Variants in PRRC2B observed in about 807,000 individuals in gnomAD.
The protein encoded by PRRC2B is protein PRRC2B.
A neutral mutation model predicts 242.3 loss-of-function variants in PRRC2B; 68 were observed. That is an observed-to-expected ratio of 0.28 (90% confidence interval 0.23 to 0.34). PRRC2B has a LOEUF of 0.34. PRRC2B is among the 10% of genes least tolerant of loss of function. PRRC2B has a pLI of 1.00. For synonymous variants in PRRC2B, 1,228 were observed against 1,173.6 expected, an observed-to-expected ratio of 1.05 and a Z score of -0.95; for missense variants, 2,835 against 2,954.8, an observed-to-expected ratio of 0.96 and a Z score of 0.94.
rs1389892229 is a variant in PRRC2B, at chr9:131,417,398, G to A, written c.-51-12696G>A. Among the ~76,000 whole-genome samples, 4 of 152,042 alleles carry A rather than the reference G, an allele frequency of 2.6e-5. No homozygotes were observed. The East Asian group carries it at 7.7e-4, about 29-fold the overall frequency. ...TCTCTTGTTTAATGTATCCAGTGGG[G>A]GAGGGAAGGGGCCGTAGGTGTCTAG... On this transcript the variant is annotated intron_variant, in intron 1 of 31. Transcript: ENST00000683519.
At chr9:131,409,539 G>T (rs1395346463) in intron 1 of PRRC2B, among the ~76,000 whole-genome samples, 1 of 152,194 alleles carries the variant, frequency 6.6e-6, no homozygotes, top group Non-Finnish European at 1.5e-5. Context: ...ACATGTATTG[G>T]TTACAAAGAT....
chr9:131,408,014 T>A (rs372730710), intron 1 of PRRC2B, among the ~76,000 whole-genome samples: 3 of 151,832 alleles, frequency 2.0e-5, no homozygotes, highest in African/African-American at 7.3e-5. Flanking sequence ...TGCTGAGGAG[T>A]CCTTCGGTGC....
intron 1 of PRRC2B, among the ~76,000 whole-genome samples, chr9:131,410,653 C>A (rs1837484742): frequency 6.6e-6 from 1 of 152,232 alleles, no homozygotes. Context: ...AATGGAAGTA[C>A]TAATACCCTT....
intron 1 of PRRC2B, among the ~76,000 whole-genome samples, chr9:131,426,906 T>C (rs1165308022): frequency 6.6e-6 from 1 of 152,234 alleles, no homozygotes; most frequent in Non-Finnish European, 1.5e-5. Flanking sequence ...TGGTATTCCT[T>C]GGCCCATGGC....
rs201654931 is a variant in PRRC2B at position 131,478,506 on chromosome 9, G to C, written c.4645G>C (p.Gly1549Arg). 991 of 1,613,584 alleles carry C rather than the reference G, an allele frequency of 6.1e-4. 7 individuals are homozygous for C. The East Asian group carries it at 0.016, about 26-fold the overall frequency. ...AIIENCGSSPGEESEVGSMVG... is the reference protein window; with the variant it reads ...AIIENCGSSPREESEVGSMVG... ...CATTGAAAATTGCGGGTCCAGCCCC[G>C]GGGAGGAGAGTGAGGTGGGTTCTAT... The change falls in exon 18 of 32, where the codon GGG (glycine) becomes CGG (arginine). Residue 1549 changes from glycine (G) to arginine (R), a missense_variant. Gly to Arg is a moderately radical substitution (Grantham distance 125). Coordinates refer to ENST00000683519, the MANE Select transcript of PRRC2B (RefSeq NM_013318.4).
At chr9:131,436,768 C>G in intron 4 of PRRC2B, 46 bp downstream of exon 4, 1 of 1,478,586 alleles carries the variant, frequency 6.8e-7, no homozygotes, top group Non-Finnish European at 9.4e-7. Context: ...GCATGGTAGC[C>G]CCTAAATCTC....
chr9:131,491,460 G>T lies in PRRC2B; in HGVS notation c.6261G>T (p.Gln2087His). ...CACTGCCTCGGTACGGCTCCGGGCA[G>T]CAGCCACTGATCCTGCCCCAGTCTA... is the stretch of plus-strand genomic sequence containing the variant. ...TMPLPRYGSG[Q>H]QPLILPQSIQ... The change falls in exon 29 of 32, where the codon CAG (glutamine) becomes CAT (histidine). Residue 2087 changes from glutamine (Q) to histidine (H), a missense_variant. Transcript: ENST00000683519. The T allele has an allele frequency of 1.1e-5, 17 of 1,609,656 alleles. No individual in the cohort carries two copies. The highest frequency in any genetic ancestry group is 1.4e-5 in the Non-Finnish European group (17 of 1,178,764).
chr9:131,375,393 T>G (rs950449678), intron 1 of PRRC2B, among the ~76,000 whole-genome samples: 1 of 151,752 alleles, frequency 6.6e-6, no homozygotes, highest in Non-Finnish European at 1.5e-5. Flanking sequence ...AGCAAGACTC[T>G]GTCTCAAAAA....
chr9:131,394,437 CGCGGGGCT>C (rs1382578872), intron 1 of PRRC2B, among the ~76,000 whole-genome samples, 174 bp downstream of exon 1: 2 of 146,294 alleles, frequency 1.4e-5, no homozygotes, highest in East Asian at 4.0e-4. Context: ...TCCCGCCGGG[CGCGGGGCT>C]GCGGGGCTGG....
intron 1 of PRRC2B, among the ~76,000 whole-genome samples, chr9:131,384,264 T>TTGTATGTA (rs72496921): frequency 0.11 from 16,092 of 149,178 alleles, 1,045 homozygotes; most frequent in Non-Finnish European, 0.14. Context: ...TGGCTAATTT[T>TTGTATGTA]TGTATGTATG....
rs1838125684 is a variant in PRRC2B, at chr9:131,430,573, G to GTGTGTGTGTT, written c.115+323_115+324insTTGTGTGTGT. ...TAGGTGTGTGTGTATGTGTGTGTGT[G>GTGTGTGTGTT]TGTGTGTGTGTGTGTGTGTGTGTAT... is the stretch of plus-strand genomic sequence containing the variant. On this transcript the variant is annotated intron_variant, in intron 2 of 31. Transcript: ENST00000683519. Among the ~76,000 whole-genome samples, 6 of 133,964 alleles carry GTGTGTGTGTT rather than the reference G, an allele frequency of 4.5e-5. No individual in the cohort carries two copies. In the South Asian group the frequency reaches 1.4e-3, roughly 31 times the overall value. 87.9% of individuals were successfully genotyped at this position (133,964 alleles called of 152,430 possible).
chr9:131,480,077 A>G (rs1943814540), intron 19 of PRRC2B, among the ~76,000 whole-genome samples: 1 of 152,280 alleles, frequency 6.6e-6, no homozygotes, highest in African/African-American at 2.4e-5. Context: ...AAACATGGAC[A>G]TTCGATATTT....
rs1944048451 is a variant in PRRC2B, at chr9:131,487,188, C to G, written c.5878C>G (p.Pro1960Ala). Residue 1960 changes from proline to alanine, a missense_variant, in exon 27 of 32, where the codon CCG becomes GCG. Coordinates refer to ENST00000683519, the MANE Select transcript of PRRC2B (RefSeq NM_013318.4). The surrounding 1 kb of genome is among the most constrained non-coding windows in gnomAD (Gnocchi z 5.3). ...ACAGGCCGCCGCTGCCCAGCAGATC[C>G]CGATCTCCCTTCACACATCTCTGCA... ...YQQAAAAQQI[P>A]ISLHTSLQAQ... 6.2e-7 allele frequency: 1 copy of G among 1,613,822 alleles called. No individual in the cohort carries two copies.
Position 131,487,921 on chromosome 9 carries a change from C to T in PRRC2B, c.6050C>T (p.Ala2017Val). 1 of 1,613,982 alleles carries T rather than the reference C, an allele frequency of 6.2e-7. No homozygotes were observed. The highest frequency in any genetic ancestry group is 8.5e-7 in the Non-Finnish European group (1 of 1,179,858). ...ACCATGATCCTCTCTGGGGGCACAG[C>T]CTTGAAGCCTCCATACTCGGCGTTC... ...PSTMILSGGT[A>V]LKPPYSAFPG... Residue 2017 changes from alanine (A) to valine (V), a missense_variant, in exon 28 of 32, where the codon GCC (alanine) becomes GTC (valine). This residue lies in a region of PRRC2B where 574 missense variants were observed against 626.0 expected (regional missense o/e 0.92). Transcript: ENST00000683519. The surrounding 1 kb of genome is among the most constrained non-coding windows in gnomAD (Gnocchi z 5.3).
chr9:131,399,622 A>G (rs1837173649), intron 1 of PRRC2B, among the ~76,000 whole-genome samples: 1 of 152,090 alleles, frequency 6.6e-6, no homozygotes, highest in African/African-American at 2.4e-5. Context: ...CAAAATAAAT[A>G]TATAAATCAC....
At chr9:131,410,893 TG>T in intron 1 of PRRC2B, among the ~76,000 whole-genome samples, 1 of 152,308 alleles carries the variant, frequency 6.6e-6, no homozygotes, top group East Asian at 1.9e-4. Flanking sequence ...TTTCTTAACT[TG>T]GATGCTTAAT....
chr9:131,420,694 T>C (rs1310209081), intron 1 of PRRC2B, among the ~76,000 whole-genome samples: 1 of 151,468 alleles, frequency 6.6e-6, no homozygotes, highest in Non-Finnish European at 1.5e-5. Context: ...GTCGCCATGT[T>C]GGCCAGGCTG....
chr9:131,396,435 C>G (rs1837060518), intron 1 of PRRC2B, among the ~76,000 whole-genome samples: 1 of 150,988 alleles, frequency 6.6e-6, no homozygotes, highest in Non-Finnish European at 1.5e-5. Context: ...AAGCGATTCT[C>G]GTGCCTCAGC....
chr9:131,395,091 T>A (rs1041049978), intron 1 of PRRC2B, among the ~76,000 whole-genome samples: 2 of 151,726 alleles, frequency 1.3e-5, no homozygotes, highest in Non-Finnish European at 2.9e-5. Flanking sequence ...TCTTTTTTCC[T>A]CCTTCTAAAT....
Sources: allele counts gnomAD v4.1 joint callset (sites outside exome capture counted in the v4.1 genomes callset), GRCh38; gene constraint gnomAD v4.1.1; regional missense constraint gnomAD v4.1.1; non-coding constraint Gnocchi (gnomAD v3.1); transcripts MANE v1.5; gene names NCBI Gene and HGNC (gene_info 2026-07-23, HGNC 2026-07-21).